The following DLG2 variants were observed in gnomAD, a reference collection of about 807,000 sequenced individuals.
The protein encoded by DLG2 is discs large MAGUK scaffold protein 2.
Under a neutral mutation model 132.5 loss-of-function variants are expected in DLG2, and 45 were observed. The observed-to-expected ratio is 0.34, with a 90% CI of 0.27 to 0.44. DLG2 has a LOEUF of 0.44. Among genes scored for constraint, DLG2 ranks in the 20% least tolerant of loss-of-function variants. The probability of loss-of-function intolerance (pLI) is 1.00; values close to 1 mark genes in which losing one functional copy is unlikely to be tolerated. For missense variants in DLG2, 1,045 were observed against 1,196.9 expected (o/e 0.87, Z 1.87); for synonymous variants, 424 against 419.6 (o/e 1.01, Z -0.13).
At chr11:84,301,879 C>G (rs987396765) in intron 7 of DLG2, among the ~76,000 whole-genome samples, 1 of 152,070 alleles carries the variant, frequency 6.6e-6, no homozygotes, top group African/African-American at 2.4e-5. Context: ...GATCATTCTA[C>G]TATAAAGATA....
chr11:84,018,952 C>T (rs544616572), intron 11 of DLG2, among the ~76,000 whole-genome samples: 1 of 151,912 alleles, frequency 6.6e-6, no homozygotes, highest in African/African-American at 2.4e-5. Context: ...ACATAAAGGA[C>T]TACTTTTAAA....
rs146244498 is a variant in DLG2 at position 84,244,437 on chromosome 11, C to T, written c.573+6801G>A. Among the ~76,000 whole-genome samples, 905 of 152,258 alleles carry T rather than the reference C, an allele frequency of 5.9e-3. 12 individuals are homozygous for T. Among genetic ancestry groups the T allele is most frequent in the African/African-American group, 0.02 (840 of 41,550 alleles). Reference sequence around the variant, plus strand: ...CTGACCTCAGTTGATCCACCCGCCTCGGCCTCCCAAAGTGCTGGGATTACA... The same window carrying T: ...CTGACCTCAGTTGATCCACCCGCCTTGGCCTCCCAAAGTGCTGGGATTACA... On this transcript the variant is annotated intron_variant, in intron 8 of 27. Coordinates refer to ENST00000376104, the MANE Select transcript of DLG2 (RefSeq NM_001142699.3).
chr11:83,665,820 C>T (rs935021612), intron 18 of DLG2, among the ~76,000 whole-genome samples: 15 of 151,896 alleles, frequency 9.9e-5, no homozygotes, highest in South Asian at 2.1e-4. Context: ...ACGGGGAATG[C>T]GTTACAATAG....
At chr11:84,703,864 A>ATGTG (rs1258787439) in intron 6 of DLG2, among the ~76,000 whole-genome samples, 1 of 113,940 alleles carries the variant, frequency 8.8e-6, no homozygotes, top group African/African-American at 5.4e-5. Flanking sequence ...GAAGATATAT[A>ATGTG]TATATATATA....
Position 84,793,104 on chromosome 11 carries a change from G to T in DLG2, c.358-258373C>A, listed in dbSNP as rs545833524. Among the ~76,000 whole-genome samples the T allele has an allele frequency of 1.6e-3, 239 of 152,160 alleles. 1 individual carries two copies. The highest frequency in any genetic ancestry group is 3.1e-3 in the Non-Finnish European group (208 of 67,968). On this transcript the variant is annotated intron_variant, in intron 6 of 27. Coordinates refer to ENST00000376104, the MANE Select transcript of DLG2 (RefSeq NM_001142699.3). The stretch of plus-strand genomic sequence containing the variant: ...CACTGTATCCCATAGGTTTTGGTAT[G>T]TTGTGTTTCCATTATCATTTCTTTC...
rs532633557 is a variant in DLG2 at position 85,399,769 on chromosome 11, C to G, written c.41-114404G>C. 6.6e-5 allele frequency among the ~76,000 whole-genome samples: 10 copies of G among 152,236 alleles called. No individual in the cohort carries two copies. The East Asian group carries it at 1.9e-3, about 29-fold the overall frequency. On this transcript the variant is annotated intron_variant, in intron 3 of 27. Coordinates refer to ENST00000376104, the MANE Select transcript of DLG2 (RefSeq NM_001142699.3). ...CTGGATCCCCTCCTTACACCTTATA[C>G]AAAAATTAATTCAAGATGGATTAAA... is the stretch of plus-strand genomic sequence containing the variant.
At chr11:83,853,031 G>A (rs1250706190) in intron 16 of DLG2, among the ~76,000 whole-genome samples, 1 of 152,156 alleles carries the variant, frequency 6.6e-6, no homozygotes, top group African/African-American at 2.4e-5. Context: ...ACACTGATAA[G>A]AATGGGAAGT....
intron 7 of DLG2, among the ~76,000 whole-genome samples, chr11:84,373,265 C>CAAAAAACAA (rs59038372): frequency 0.017 from 1,640 of 98,046 alleles, 39 homozygotes; most frequent in South Asian, 0.051. Flanking sequence ...AAAAAAAAAA[C>CAAAAAACAA]AAAACAAAAA....
At chr11:84,088,666 G>A (rs1202258004) in intron 10 of DLG2, among the ~76,000 whole-genome samples, 2 of 152,100 alleles carry the variant, frequency 1.3e-5, no homozygotes, top group South Asian at 2.1e-4. Context: ...TCTTGTCCAA[G>A]TACTCTATAA....
intron 6 of DLG2, among the ~76,000 whole-genome samples, chr11:84,790,950 A>C (rs1333757117): frequency 6.6e-6 from 1 of 152,140 alleles, no homozygotes; most frequent in African/African-American, 2.4e-5. Context: ...TCTATGTATT[A>C]GTCTGTTCTT....
chr11:84,053,376 C>T (rs995705325), intron 11 of DLG2, among the ~76,000 whole-genome samples: 8 of 151,806 alleles, frequency 5.3e-5, no homozygotes, highest in African/African-American at 9.7e-5. Flanking sequence ...CCATGGCACA[C>T]GTTTACCTAT....
At chr11:83,614,742 G>C (rs1263934223) in intron 19 of DLG2, among the ~76,000 whole-genome samples, 2 of 152,104 alleles carry the variant, frequency 1.3e-5, no homozygotes, top group African/African-American at 4.8e-5. Flanking sequence ...AAACCAACCA[G>C]ATGCCGTCTT....
At chr11:83,714,448 A>C (rs1309546943) in intron 18 of DLG2, among the ~76,000 whole-genome samples, 1 of 152,206 alleles carries the variant, frequency 6.6e-6, no homozygotes, top group Non-Finnish European at 1.5e-5. Flanking sequence ...AACTGATACT[A>C]TTAGAGATTA....
At chr11:85,487,211 A>G (rs1565569166) in intron 3 of DLG2, among the ~76,000 whole-genome samples, 2 of 152,120 alleles carry the variant, frequency 1.3e-5, no homozygotes, top group Non-Finnish European at 2.9e-5. Context: ...AGAAGTGACT[A>G]TTACACCAGA....
intron 4 of DLG2, among the ~76,000 whole-genome samples, chr11:85,215,497 A>C (rs1277168355): frequency 2.0e-5 from 3 of 152,172 alleles, no homozygotes; most frequent in African/African-American, 4.8e-5. Context: ...CAATTGAGAA[A>C]AAGTAGACAA....
At chr11:84,020,204 T>C (rs1395354697) in intron 11 of DLG2, among the ~76,000 whole-genome samples, 1 of 152,130 alleles carries the variant, frequency 6.6e-6, no homozygotes, top group Non-Finnish European at 1.5e-5. Context: ...ATCAAGGTTA[T>C]AAATCCAGGT....
At chr11:85,166,127 T>C (rs1389774099) in intron 4 of DLG2, among the ~76,000 whole-genome samples, 2 of 152,126 alleles carry the variant, frequency 1.3e-5, no homozygotes, top group Admixed American at 1.3e-4. Flanking sequence ...TCTTCCTCCT[T>C]CTTGAAAGTT....
rs1049216861 is a variant in DLG2 at position 84,042,884 on chromosome 11, G to A, written c.919+16431C>T. Among the ~76,000 whole-genome samples the A allele has an allele frequency of 2.6e-5, 4 of 151,780 alleles. 1 individual carries two copies. The South Asian group carries it at 6.2e-4, about 24-fold the overall frequency. ...ACAACACATACTGGGGCCTGTAGGGGGTGAGGTGCAGGGAGGGAGAGCAAC... is the reference window on the plus strand; with the variant it reads ...ACAACACATACTGGGGCCTGTAGGGAGTGAGGTGCAGGGAGGGAGAGCAAC... On this transcript the variant is annotated intron_variant, in intron 11 of 27. Coordinates refer to ENST00000376104, the MANE Select transcript of DLG2 (RefSeq NM_001142699.3).
At chr11:85,442,951 A>G (rs1485409543) in intron 3 of DLG2, among the ~76,000 whole-genome samples, 1 of 152,212 alleles carries the variant, frequency 6.6e-6, no homozygotes, top group Non-Finnish European at 1.5e-5. Flanking sequence ...GAGGGAAGAT[A>G]AAAAGGTTTT....
Sources: gnomAD v4.1 joint callset for allele counts (sites outside exome capture counted in the v4.1 genomes callset) on GRCh38, gnomAD v4.1.1 for gene constraint, MANE v1.5 for transcripts, NCBI Gene and HGNC (gene_info 2026-07-23, HGNC 2026-07-21) for gene names.